TOM1: variants seen among roughly 807,000 people sequenced by gnomAD.
The protein encoded by TOM1 is target of myb1 membrane trafficking protein.
TOM1 carries 38 observed loss-of-function variants against 61.3 expected under a neutral mutation model. The observed-to-expected ratio is 0.62, with a 90% CI of 0.48 to 0.81. The LOEUF (loss-of-function observed/expected upper bound fraction) is 0.81, where lower values mean the gene tolerates loss of function less well. Ranked by LOEUF, TOM1 falls within the 40% of genes least tolerant of loss-of-function variation. The pLI, the probability that TOM1 is intolerant of heterozygous loss-of-function variation, is 0.00. For missense variants in TOM1, 591 were observed against 659.6 expected, an observed-to-expected ratio of 0.90 and a Z score of 1.14; for synonymous variants, 270 against 268.8, an observed-to-expected ratio of 1.00 and a Z score of -0.04.
Position 35,327,404 on chromosome 22 carries a change from AC to A in TOM1, c.765+22del. 1.3e-6 allele frequency: 2 copies of A among 1,586,882 alleles called. No homozygotes were observed. On this transcript the variant is annotated intron_variant, in intron 7 of 14. Transcript: ENST00000449058. Reference sequence around the variant, plus strand: ...CTGCTGCAGGTGAGCAGGTGGCACCACCCCCTGGGGCTCAGATGACTCCTGC... The same window carrying A: ...CTGCTGCAGGTGAGCAGGTGGCACCACCCCTGGGGCTCAGATGACTCCTGC...
upstream of TOM1, chr22:35,299,793 T>A: frequency 1.0e-6 from 1 of 959,818 alleles, no homozygotes; most frequent in Non-Finnish European, 1.6e-6. Context: ...GGGCGGGGCT[T>A]GTGGTCGAGC....
intron 11 of TOM1, among the ~76,000 whole-genome samples, chr22:35,335,312 A>G (rs1013724374): frequency 2.6e-5 from 4 of 152,148 alleles, no homozygotes; most frequent in African/African-American, 4.8e-5. Context: ...AACTTTGTCA[A>G]TGGGCCTCCA....
chr22:35,346,527 C>T (rs1204460243), intron 13 of TOM1, among the ~76,000 whole-genome samples: 1 of 152,176 alleles, frequency 6.6e-6, no homozygotes, highest in Non-Finnish European at 1.5e-5. Context: ...GTCAGCCTTT[C>T]CCCCCCAGGG....
chr22:35,300,227 A>G (rs1311906005), intron 1 of TOM1, among the ~76,000 whole-genome samples: 1 of 152,268 alleles, frequency 6.6e-6, no homozygotes, highest in East Asian at 1.9e-4. Flanking sequence ...GTGGGTCCGG[A>G]TGCCCACGGC....
intron 8 of TOM1, among the ~76,000 whole-genome samples, chr22:35,332,019 C>T (rs1433173687): frequency 2.6e-5 from 4 of 152,190 alleles, no homozygotes; most frequent in Non-Finnish European, 2.9e-5. Flanking sequence ...GTCTGTAAAG[C>T]GCTTAGCAGT....
intron 7 of TOM1, among the ~76,000 whole-genome samples, chr22:35,329,485 G>C (rs1928631632): frequency 6.6e-6 from 1 of 152,250 alleles, no homozygotes; most frequent in African/African-American, 2.4e-5. Flanking sequence ...CCAGGGTCAA[G>C]GGTATATGGG....
At chr22:35,318,712 G>A (rs907894109) in intron 2 of TOM1, among the ~76,000 whole-genome samples, 7 of 152,222 alleles carry the variant, frequency 4.6e-5, no homozygotes, top group Admixed American at 6.5e-5. Flanking sequence ...AAGGGGATGC[G>A]AGGGTCCCTG....
At chr22:35,336,004 A>G (rs1929294495) in intron 11 of TOM1, among the ~76,000 whole-genome samples, 1 of 152,118 alleles carries the variant, frequency 6.6e-6, no homozygotes, top group Admixed American at 6.5e-5. Context: ...CAGGATGCTG[A>G]GAGGGTGGTG....
At chr22:35,336,395 C>G (rs1342473336) in intron 11 of TOM1, among the ~76,000 whole-genome samples, 5 of 152,204 alleles carry the variant, frequency 3.3e-5, no homozygotes, top group Admixed American at 6.5e-5. Flanking sequence ...CTCCCCACTT[C>G]ACACCAGCCT....
chr22:35,311,426 T>C (rs1422879903), intron 1 of TOM1, among the ~76,000 whole-genome samples: 3 of 152,232 alleles, frequency 2.0e-5, no homozygotes, highest in Non-Finnish European at 4.4e-5. Context: ...AGCTCCACGA[T>C]GTCTCAAAAC....
chr22:35,324,512 G>A (rs573280151), intron 6 of TOM1, among the ~76,000 whole-genome samples: 33 of 149,628 alleles, frequency 2.2e-4, no homozygotes, highest in Admixed American at 4.0e-4. Flanking sequence ...TATGTACATT[G>A]TACCATGCTG....
rs979213975 is a variant in TOM1, at chr22:35,340,110, G to A, written c.1224+1322G>A. Reference sequence around the variant, plus strand: ...CAACGTGTATCTGGATGCTTTTCAGGCAGTGTGAGAATTTCTGCTCCAGCA... The same window carrying A: ...CAACGTGTATCTGGATGCTTTTCAGACAGTGTGAGAATTTCTGCTCCAGCA... On this transcript the variant is annotated intron_variant, in intron 12 of 14. Coordinates refer to ENST00000449058, the MANE Select transcript of TOM1 (RefSeq NM_005488.3). 3.0e-4 allele frequency among the ~76,000 whole-genome samples: 46 copies of A among 152,216 alleles called. 1 individual carries two copies. The highest frequency in any genetic ancestry group is 1.5e-4 in the Non-Finnish European group (10 of 68,044).
Position 35,332,332 on chromosome 22 carries a change from C to T in TOM1, c.900-649C>T, listed in dbSNP as rs74775021. On this transcript the variant is annotated intron_variant, in intron 8 of 14. Transcript: ENST00000449058. ...TAATATCTGACTGTGCTTTCAAGCT[C>T]GCAGTCACTTATACCCATGTCCTAA... Among the ~76,000 whole-genome samples, 172 of 152,226 alleles carry T rather than the reference C, an allele frequency of 1.1e-3. 1 individual carries two copies. The highest frequency in any genetic ancestry group is 3.9e-3 in the African/African-American group (160 of 41,518).
intron 7 of TOM1, among the ~76,000 whole-genome samples, 176 bp downstream of exon 7, chr22:35,327,563 C>T (rs1239695032): frequency 6.6e-6 from 1 of 152,218 alleles, no homozygotes; most frequent in Non-Finnish European, 1.5e-5. Context: ...CAGATCGCAG[C>T]TCTACCACTT....
At chr22:35,333,087 C>T (rs1389625841) in intron 9 of TOM1, 73 bp downstream of exon 9, 4 of 1,503,844 alleles carry the variant, frequency 2.7e-6, no homozygotes, top group African/African-American at 1.4e-5. Flanking sequence ...TCACCTCCCT[C>T]CCCTAGTAAA....
chr22:35,317,834 T>G (rs1336674113), intron 1 of TOM1, 43 bp from the exon 2 acceptor site: 1 of 1,521,992 alleles, frequency 6.6e-7, no homozygotes, highest in Admixed American at 1.7e-5. Flanking sequence ...GTTTACCCAT[T>G]CAGGACCCCC....
At chr22:35,301,553 A>T (rs942679710) in intron 1 of TOM1, among the ~76,000 whole-genome samples, 8 of 152,212 alleles carry the variant, frequency 5.3e-5, no homozygotes, top group African/African-American at 1.9e-4. Context: ...ATCTTTTTTG[A>T]TGACGACTTT....
intron 6 of TOM1, among the ~76,000 whole-genome samples, chr22:35,327,019 T>C (rs1928383183): frequency 6.6e-6 from 1 of 152,084 alleles, no homozygotes; most frequent in Admixed American, 6.5e-5. Context: ...CAGCCACACG[T>C]GGTGGCTCAT....
At chr22:35,299,588 T>C (rs1925521413), upstream of TOM1, 1 of 330,814 alleles carries the variant, frequency 3.0e-6, no homozygotes, top group Middle Eastern at 9.7e-4. Context: ...ACTTCCCTGG[T>C]CTACGACCCA....
Sources: gnomAD v4.1 joint callset for allele counts (sites outside exome capture counted in the v4.1 genomes callset) on GRCh38, gnomAD v4.1.1 for gene constraint, MANE v1.5 for transcripts, NCBI Gene and HGNC (gene_info 2026-07-23, HGNC 2026-07-21) for gene names.